The following TENM3 variants were observed in gnomAD, a reference collection of about 807,000 sequenced individuals.
TENM3 encodes the protein teneurin transmembrane protein 3.
A neutral mutation model predicts 255.1 loss-of-function variants in TENM3; 63 were observed. The observed-to-expected ratio is 0.25, with a 90% CI of 0.20 to 0.30. The LOEUF (loss-of-function observed/expected upper bound fraction) is 0.30, where lower values mean the gene tolerates loss of function less well. Among genes scored for constraint, TENM3 ranks in the 10% least tolerant of loss-of-function variants. TENM3 has a pLI of 1.00. For synonymous variants in TENM3, 1,306 were observed against 1,322.3 expected (o/e 0.99, Z 0.27); for missense variants, 2,929 against 3,461.1 (o/e 0.85, Z 3.86).
At chr4:182,144,213 CA>C (rs1355730156), upstream of TENM3, 265 of 151,948 alleles carry the variant, frequency 1.7e-3, 1 homozygote, top group East Asian at 1.4e-3. Flanking sequence ...CACACACACA[CA>C]CACACACACA....
At chr4:182,016,035 G>T in the TENM3 span, among the ~76,000 whole-genome samples, 1 of 152,176 alleles carries the variant, frequency 6.6e-6, no homozygotes, top group Non-Finnish European at 1.5e-5. Context: ...GGAATCTGAT[G>T]TCATTTTCAG....
the TENM3 span, among the ~76,000 whole-genome samples, chr4:182,043,575 T>C: frequency 6.6e-5 from 10 of 152,276 alleles, no homozygotes; most frequent in South Asian, 1.9e-3. Context: ...TACACAAGCA[T>C]ACACTGTGAA....
At chr4:181,616,026 TGAGA>T in the TENM3 span, among the ~76,000 whole-genome samples, 1 of 151,702 alleles carries the variant, frequency 6.6e-6, no homozygotes, top group Non-Finnish European at 1.5e-5. Flanking sequence ...TGATTTTGGT[TGAGA>T]GAGAAAGAGA....
chr4:182,590,489 T>C (rs1746493828), intron 3 of TENM3, among the ~76,000 whole-genome samples: 1 of 142,066 alleles, frequency 7.0e-6, no homozygotes, highest in Non-Finnish European at 1.5e-5. Flanking sequence ...AATACAAAAA[T>C]TATCCAGGTT....
chr4:181,834,346 A>T, the TENM3 span, among the ~76,000 whole-genome samples: 1 of 152,220 alleles, frequency 6.6e-6, no homozygotes, highest in Admixed American at 6.5e-5. Context: ...AGGAAGTCTT[A>T]TGCTGCTATT....
the TENM3 span, among the ~76,000 whole-genome samples, chr4:181,786,250 G>A: frequency 6.6e-6 from 1 of 152,186 alleles, no homozygotes; most frequent in South Asian, 2.1e-4. Context: ...GCATTGTCCT[G>A]TAAAGGCCGA....
At chr4:181,979,155 T>C in the TENM3 span, among the ~76,000 whole-genome samples, 1 of 92,632 alleles carries the variant, frequency 1.1e-5, no homozygotes, top group Non-Finnish European at 2.1e-5. Context: ...TATATATATA[T>C]GACATCTTTG....
chr4:181,453,912 G>T, the TENM3 span, among the ~76,000 whole-genome samples: 2 of 152,090 alleles, frequency 1.3e-5, no homozygotes, highest in Non-Finnish European at 2.9e-5. Context: ...TTAAAATGTG[G>T]TTCTGTCACT....
chr4:182,074,450 G>A, the TENM3 span, among the ~76,000 whole-genome samples: 1 of 152,210 alleles, frequency 6.6e-6, no homozygotes, highest in Non-Finnish European at 1.5e-5. Flanking sequence ...GGCAAAGGGA[G>A]AAAGACTTGT....
At chr4:181,770,600 G>GGGA in the TENM3 span, among the ~76,000 whole-genome samples, 5 of 150,052 alleles carry the variant, frequency 3.3e-5, no homozygotes, top group Non-Finnish European at 7.4e-5. Flanking sequence ...GCATGAACCT[G>GGGA]GGAGGTGGAG....
the TENM3 span, among the ~76,000 whole-genome samples, chr4:181,688,232 G>T: frequency 6.6e-6 from 1 of 152,068 alleles, no homozygotes; most frequent in South Asian, 2.1e-4. Context: ...CCAGAGCAAA[G>T]GTATTCATTA....
the TENM3 span, among the ~76,000 whole-genome samples, chr4:181,539,526 CG>C: frequency 6.6e-6 from 1 of 152,060 alleles, no homozygotes; most frequent in African/African-American, 2.4e-5. Context: ...AAACTTAATA[CG>C]TTTATTCCTC....
chr4:181,586,021 C>A, the TENM3 span, among the ~76,000 whole-genome samples: 1 of 152,124 alleles, frequency 6.6e-6, no homozygotes, highest in Non-Finnish European at 1.5e-5. Context: ...TTGCTTTAAT[C>A]ATTAGAATGT....
At chr4:182,123,028 C>G in the TENM3 span, among the ~76,000 whole-genome samples, 8 of 152,230 alleles carry the variant, frequency 5.3e-5, no homozygotes, top group Non-Finnish European at 5.9e-5. Context: ...GAACCAACCT[C>G]TGCTAGCTTC....
At chr4:182,054,818 A>T in the TENM3 span, among the ~76,000 whole-genome samples, 1 of 152,172 alleles carries the variant, frequency 6.6e-6, no homozygotes, top group African/African-American at 2.4e-5. Context: ...TTTAATTAAA[A>T]AAAAGAATAA....
the TENM3 span, among the ~76,000 whole-genome samples, chr4:181,774,844 G>A: frequency 5.0e-4 from 58 of 115,984 alleles, no homozygotes; most frequent in South Asian, 1.3e-3. Flanking sequence ...CATGTCCTTC[G>A]CCCACTTTTT....
At chr4:181,900,824 A>C in the TENM3 span, among the ~76,000 whole-genome samples, 2 of 152,220 alleles carry the variant, frequency 1.3e-5, no homozygotes. Context: ...CGTTGAGAAC[A>C]GAATTATAAC....
intron 1 of TENM3, among the ~76,000 whole-genome samples, chr4:182,185,865 A>C (rs1753116748): frequency 1.3e-5 from 2 of 152,238 alleles, no homozygotes; most frequent in African/African-American, 4.8e-5. Context: ...GCGGTTGTAC[A>C]TAGAAAACAT....
chr4:181,787,390 G>A, the TENM3 span, among the ~76,000 whole-genome samples: 1 of 151,008 alleles, frequency 6.6e-6, no homozygotes, highest in Non-Finnish European at 1.5e-5. Context: ...CCAGGCTGGA[G>A]GGCAATGGCG....
Sources: gnomAD v4.1 joint callset for allele counts (sites outside exome capture counted in the v4.1 genomes callset) on GRCh38, gnomAD v4.1.1 for gene constraint, MANE v1.5 for transcripts, NCBI Gene and HGNC (gene_info 2026-07-23, HGNC 2026-07-21) for gene names.